Variants in PDE1C observed in about 807,000 individuals in gnomAD.
The protein encoded by PDE1C is dual specificity calcium/calmodulin-dependent 3',5'-cyclic nucleotide phosphodiesterase 1C.
In PDE1C, 62 loss-of-function variants were observed where a neutral mutation model predicts 93.1. That is an observed-to-expected ratio of 0.67 (90% confidence interval 0.54 to 0.82). The LOEUF is 0.82. Ranked by LOEUF, PDE1C falls within the 40% of genes least tolerant of loss-of-function variation. PDE1C has a pLI of 0.00. For missense variants in PDE1C, 742 were observed against 884.6 expected, an observed-to-expected ratio of 0.84 and a Z score of 2.04; for synonymous variants, 325 against 310.1, an observed-to-expected ratio of 1.05 and a Z score of -0.50.
At chr7:31,825,124 T>A (rs1305182682) in intron 12 of PDE1C, 137 bp from the exon 13 acceptor site, 2 of 1,075,724 alleles carry the variant, frequency 1.9e-6, no homozygotes, top group African/African-American at 3.2e-5. Flanking sequence ...TATGTATTCC[T>A]TGATTTGAAT....
At chr7:31,729,811 A>C in the PDE1C span, among the ~76,000 whole-genome samples, 1 of 152,208 alleles carries the variant, frequency 6.6e-6, no homozygotes, top group African/African-American at 2.4e-5. Flanking sequence ...TTTCTGATTG[A>C]GTCCACTTGG....
intron 1 of PDE1C, among the ~76,000 whole-genome samples, chr7:32,367,006 G>T (rs113721223): frequency 7.3e-4 from 111 of 152,206 alleles, no homozygotes; most frequent in African/African-American, 2.5e-3. Context: ...TCCAGCCTGG[G>T]TGACAGAGTG....
At chr7:32,080,588 C>A (rs918862500) in intron 3 of PDE1C, among the ~76,000 whole-genome samples, 1 of 152,100 alleles carries the variant, frequency 6.6e-6, no homozygotes, top group African/African-American at 2.4e-5. Flanking sequence ...AGCTATCTGG[C>A]GGAGAATTAC....
chr7:32,139,865 G>A (rs1800419065), intron 3 of PDE1C, among the ~76,000 whole-genome samples: 1 of 152,132 alleles, frequency 6.6e-6, no homozygotes, highest in South Asian at 2.1e-4. Context: ...TGAACATGAT[G>A]CTTGGAACCT....
intron 1 of PDE1C, among the ~76,000 whole-genome samples, chr7:32,260,538 T>C (rs1340944236): frequency 6.6e-6 from 1 of 152,182 alleles, no homozygotes; most frequent in South Asian, 2.1e-4. Flanking sequence ...TCTGTGGGTT[T>C]TCTCTGTGGA....
At chr7:31,726,223 C>T in the PDE1C span, among the ~76,000 whole-genome samples, 1 of 148,030 alleles carries the variant, frequency 6.8e-6, no homozygotes, top group East Asian at 2.1e-4. Context: ...TGTGCACCAA[C>T]ATGATCATTT....
intron 1 of PDE1C, among the ~76,000 whole-genome samples, chr7:32,403,507 T>C (rs215736): frequency 0.87 from 133,089 of 152,164 alleles, 59,519 homozygotes; most frequent in East Asian, 0.99. Context: ...AAGGAAGAAG[T>C]CATGTCATCA....
the PDE1C span, among the ~76,000 whole-genome samples, chr7:31,694,551 C>T: frequency 4.6e-5 from 7 of 152,126 alleles, no homozygotes; most frequent in Admixed American, 1.3e-4. Context: ...TCCATTTAAC[C>T]GTTCAACATC....
rs568086325 is a variant in PDE1C at position 32,205,029 on chromosome 7, G to A, written c.136+4460C>T. ...AAAAGGGAAGAAGAGAGGGGAGGAA[G>A]GCTGAAAACTCAAGGTAATAACAAC... is the stretch of plus-strand genomic sequence containing the variant. On this transcript the variant is annotated intron_variant, in intron 2 of 18. Transcript: ENST00000396193. Among the ~76,000 whole-genome samples, 5 of 152,302 alleles carry A rather than the reference G, an allele frequency of 3.3e-5. No individual in the cohort carries two copies. In the South Asian group the frequency reaches 1.0e-3, roughly 32 times the overall value.
chr7:31,856,135 T>TG (rs1190512215), intron 7 of PDE1C, among the ~76,000 whole-genome samples: 2 of 152,316 alleles, frequency 1.3e-5, no homozygotes, highest in East Asian at 3.9e-4. Flanking sequence ...ACTTTATCAA[T>TG]GGGTTGTTTT....
chr7:31,747,611 G>T (rs1056502078), downstream of PDE1C, among the ~76,000 whole-genome samples: 3 of 152,078 alleles, frequency 2.0e-5, no homozygotes, highest in African/African-American at 7.2e-5. Flanking sequence ...GGCCTACACT[G>T]GAGAACTTAC....
intron 1 of PDE1C, among the ~76,000 whole-genome samples, chr7:32,326,189 AT>A (rs1473559095): frequency 6.6e-6 from 1 of 152,238 alleles, no homozygotes; most frequent in African/African-American, 2.4e-5. Context: ...TGTTTTGTAC[AT>A]GCTAAGGTCA....
chr7:31,738,626 A>T, the PDE1C span, among the ~76,000 whole-genome samples: 12 of 152,296 alleles, frequency 7.9e-5, no homozygotes, highest in South Asian at 2.5e-3. Context: ...CTGCAAGGCC[A>T]TCCCAGGGGG....
chr7:32,377,466 T>A (rs1784452563), intron 1 of PDE1C, among the ~76,000 whole-genome samples: 2 of 152,240 alleles, frequency 1.3e-5, no homozygotes, highest in Admixed American at 1.3e-4. Flanking sequence ...CTCTTTGGTA[T>A]CTCAATTGGG....
At chr7:32,029,025 A>G (rs1789886173) in intron 2 of PDE1C, among the ~76,000 whole-genome samples, 1 of 152,152 alleles carries the variant, frequency 6.6e-6, no homozygotes, top group Non-Finnish European at 1.5e-5. Context: ...ATATATAAGG[A>G]GCTCAAACAA....
At chr7:32,141,862 A>T (rs1438486847) in intron 3 of PDE1C, among the ~76,000 whole-genome samples, 3 of 152,228 alleles carry the variant, frequency 2.0e-5, no homozygotes, top group Admixed American at 2.0e-4. Flanking sequence ...AAACTGGGTG[A>T]GGTATATGGT....
In PDE1C at chr7:31,824,870, G is replaced by T; in HGVS notation, c.1403C>A (p.Ser468Ter). Residue 468 changes from serine to a stop codon, truncating the protein, a stop_gained, in exon 13 of 18, where the codon TCG becomes TAG. Coordinates refer to ENST00000396191, the MANE Select transcript of PDE1C (RefSeq NM_001191057.4). LOFTEE classifies it high-confidence loss of function. ...GCCCTCAAGCTTCCCCACTGACCTC[G>T]AACGCCTCTGTCCTGTCCCACCAGT... is the stretch of plus-strand genomic sequence containing the variant. Reference protein sequence around the residue: ...SQTGGTGQRRSSLNSISSSDA... With the variant: ...SQTGGTGQRR 2 of 1,612,372 alleles carry T rather than the reference G, an allele frequency of 1.2e-6. No homozygotes were observed. The highest frequency in any genetic ancestry group is 1.1e-5 in the South Asian group (1 of 90,924).
intron 1 of PDE1C, among the ~76,000 whole-genome samples, chr7:32,397,332 C>G (rs941244442): frequency 1.3e-5 from 2 of 151,776 alleles, no homozygotes; most frequent in East Asian, 3.9e-4. Flanking sequence ...ATATATTAAA[C>G]TTCATCCATA....
At chr7:32,295,562 G>A (rs1225251814) in intron 1 of PDE1C, among the ~76,000 whole-genome samples, 1 of 152,170 alleles carries the variant, frequency 6.6e-6, no homozygotes, top group African/African-American at 2.4e-5. Flanking sequence ...CATACTCTTA[G>A]ACTAAGCAAT....
Sources: gnomAD v4.1 joint callset for allele counts (sites outside exome capture counted in the v4.1 genomes callset) on GRCh38, gnomAD v4.1.1 for gene constraint, MANE v1.5 for transcripts, NCBI Gene and HGNC (gene_info 2026-07-23, HGNC 2026-07-21) for gene names.